Variants in CSF3R observed in about 807,000 individuals in gnomAD.
CSF3R encodes granulocyte colony-stimulating factor receptor.
Under a neutral mutation model 84.4 loss-of-function variants are expected in CSF3R, and 52 were observed. That is an observed-to-expected ratio of 0.62 (90% confidence interval 0.49 to 0.78). The LOEUF (loss-of-function observed/expected upper bound fraction) is 0.78. CSF3R is among the 30% of genes least tolerant of loss of function. The pLI is 0.00. For synonymous variants in CSF3R, 384 were observed against 429.1 expected, an observed-to-expected ratio of 0.89 and a Z score of 1.30; for missense variants, 890 against 1,055.7, an observed-to-expected ratio of 0.84 and a Z score of 2.17.
Position 36,473,449 on chromosome 1 carries a change from T to A in CSF3R, c.659A>T (p.Asp220Val), listed in dbSNP as rs957503717. The A allele has an allele frequency of 1.2e-6, 2 of 1,613,946 alleles. No individual in the cohort carries two copies. Among genetic ancestry groups the A allele is most frequent in the Non-Finnish European group, 1.7e-6 (2 of 1,179,998 alleles). ...GTSMSPQLCL[D>V]PMDVVKLEPP... ...GCATCACCCACCAACATCCATGGGA[T>A]CAAGACACAGTTGTGGGGACATGCT... is the stretch of plus-strand genomic sequence containing the variant. The change falls in exon 6 of 17, where the codon GAT (aspartate) becomes GTT (valine). Residue 220 changes from aspartate (D) to valine (V), a missense_variant. Physicochemically the swap from Asp to Val is radical, Grantham distance 152 (BLOSUM62 -3). Coordinates refer to ENST00000373106, the MANE Select transcript of CSF3R (RefSeq NM_000760.4).
In CSF3R at chr1:36,467,703, G is replaced by C; in HGVS notation, c.1865-52C>G. 1 of 1,611,254 alleles carries C rather than the reference G, an allele frequency of 6.2e-7. No homozygotes were observed. Among genetic ancestry groups the C allele is most frequent in the Non-Finnish European group, 8.5e-7 (1 of 1,177,428 alleles). ...GTTAGAATGCATGTTGGGAAGGCTG[G>C]GTCTCCTCCCTCCGACCAGGGGATT... is the stretch of plus-strand genomic sequence containing the variant. On this transcript the variant is annotated intron_variant, in intron 14 of 16. Transcript: ENST00000373106. The surrounding 1 kb of genome is among the most constrained non-coding windows in gnomAD (Gnocchi z 4.1).
At chr1:36,478,426 G>T (rs980523500) in intron 3 of CSF3R, among the ~76,000 whole-genome samples, 3 of 152,084 alleles carry the variant, frequency 2.0e-5, no homozygotes, top group Non-Finnish European at 2.9e-5. Flanking sequence ...CTATTCGGGA[G>T]GCTGAGGCAG....
rs746206965 is a variant in CSF3R, at chr1:36,467,672, GA to G, written c.1865-22del. On this transcript the variant is annotated intron_variant, in intron 14 of 16. Transcript: ENST00000373106. The surrounding 1 kb of genome is among the most constrained non-coding windows in gnomAD (Gnocchi z 4.1). ...CCCCTCTGCAGTGAGGGCAGGGCCG[GA>G]AGAAGTTAGAATGCATGTTGGGAAG... 17 of 1,613,648 alleles carry G rather than the reference GA, an allele frequency of 1.1e-5. No homozygotes were observed. The highest frequency in any genetic ancestry group is 1.4e-5 in the Non-Finnish European group (17 of 1,179,640).
chr1:36,471,901 C>G lies in CSF3R; in HGVS notation c.1071+165G>C. On this transcript the variant is annotated intron_variant, in intron 9 of 16. Transcript: ENST00000373106. ...CACTGTGACGTGCGTTACAGTCTGTCCAAAAGCTAACTCAGCTCCCTAGGC... is the reference window on the plus strand; with the variant it reads ...CACTGTGACGTGCGTTACAGTCTGTGCAAAAGCTAACTCAGCTCCCTAGGC... The G allele has an allele frequency of 7.9e-6, 6 of 759,534 alleles. No homozygotes were observed. The South Asian group carries it at 8.2e-5, about 10-fold the overall frequency. 47.0% of individuals were successfully genotyped at this position (759,534 alleles called of 1,614,324 possible). A position where few individuals can be genotyped will look rare whatever the true frequency, so the allele number is the denominator to read the frequency against.
chr1:36,469,315 A>T, intron 11 of CSF3R, 58 bp from the exon 12 acceptor site: 1 of 1,371,438 alleles, frequency 7.3e-7, no homozygotes, highest in Non-Finnish European at 1.0e-6. Flanking sequence ...GCTAATGATC[A>T]GGAGCTAGCC....
chr1:36,479,037 C>T (rs1278058165), intron 3 of CSF3R: 1 of 343,364 alleles, frequency 2.9e-6, no homozygotes, highest in African/African-American at 2.1e-5. Context: ...ACAGAGTTTC[C>T]ATGGTTGGAA....
Position 36,472,913 on chromosome 1 carries a change from C to T in CSF3R, c.674-227G>A, listed in dbSNP as rs1440502780. The T allele has an allele frequency of 1.8e-6, 1 of 559,856 alleles. No individual in the cohort carries two copies. Among genetic ancestry groups the T allele is most frequent in the African/African-American group, 1.9e-5 (1 of 52,810 alleles). 34.7% of individuals were successfully genotyped at this position (559,856 alleles called of 1,614,324 possible). A position where few individuals can be genotyped will look rare whatever the true frequency, so the allele number is the denominator to read the frequency against. ...ACTTCTGCTTGAAATGTTTTCCCTC[C>T]AGATATCCAGCGGCTTGCTCCCTCA... On this transcript the variant is annotated intron_variant, in intron 6 of 16. Transcript: ENST00000373106. The surrounding 1 kb of genome is among the most constrained non-coding windows in gnomAD (Gnocchi z 5.0).
At position 36,467,871 on chromosome 1, in the gene CSF3R, C is replaced by G. The variant is rs1278233668; in HGVS notation, c.1815G>C (p.Gln605His). The G allele has an allele frequency of 1.2e-6, 2 of 1,614,132 alleles. No individual in the cohort carries two copies. The highest frequency in any genetic ancestry group is 1.7e-6 in the Non-Finnish European group (2 of 1,180,052). Residue 605 changes from glutamine (Q) to histidine (H), a missense_variant, in exon 14 of 17, where the codon CAG becomes CAC. By Grantham distance (24) the Gln-to-His change is conservative (BLOSUM62 0). Transcript: ENST00000373106. This position sits in a 1 kb window ranked among gnomAD's most constrained non-coding sequence, Gnocchi z 4.1. ...GGACTGTACTGTTGGTGGCCCCAGC[C>G]TGGCTGGCAGCCATGAGGTGGATGT... ...LYHIHLMAAS[Q>H]AGATNSTVLT...
chr1:36,471,626 G>A lies in CSF3R; in HGVS notation c.1092C>T (p.Asp364=). 6.2e-7 allele frequency: 1 copy of A among 1,614,222 alleles called. No homozygotes were observed. Among genetic ancestry groups the A allele is most frequent in the South Asian group, 1.1e-5 (1 of 91,082 alleles). The part of the protein sequence containing the change: ...LFWKPVPLEE[D]SGRIQGYVVS... ...CCACATAACCTTGGATCCGTCCGCTGTCTTCCTCCAGGGGCACTGGCTGTG... is the reference window on the plus strand; with the variant it reads ...CCACATAACCTTGGATCCGTCCGCTATCTTCCTCCAGGGGCACTGGCTGTG... The change falls in exon 10 of 17, where the codon GAC becomes GAT. Residue 364 remains aspartate, a synonymous_variant. Coordinates refer to ENST00000373106, the MANE Select transcript of CSF3R (RefSeq NM_000760.4).
In CSF3R at chr1:36,472,203, T is replaced by C. The variant is rs202032360; in HGVS notation, c.997+35A>G. ...GGGGCCTGGGGCCTGGACTGGATAC[T>C]GTTGGCTGCTCCCAGCCTCTCATCA... On this transcript the variant is annotated intron_variant, in intron 8 of 16. Coordinates refer to ENST00000373106, the MANE Select transcript of CSF3R (RefSeq NM_000760.4). This position sits in a 1 kb window ranked among gnomAD's most constrained non-coding sequence, Gnocchi z 5.0. 17 of 1,614,126 alleles carry C rather than the reference T, an allele frequency of 1.1e-5. No homozygotes were observed. The highest frequency in any genetic ancestry group is 1.6e-4 in the Middle Eastern group (1 of 6,062).
chr1:36,476,489 T>G (rs1270872511), intron 3 of CSF3R, among the ~76,000 whole-genome samples: 2 of 152,234 alleles, frequency 1.3e-5, no homozygotes, highest in Non-Finnish European at 1.5e-5. Context: ...CAATAGCTCC[T>G]GTGGCCTGGC....
rs758923889 is a variant in CSF3R at position 36,466,456 on chromosome 1, G to A, written c.2412C>T (p.Ala804=). ...ASPLGTLVTP[A]PSQEDDCVFG... Reference sequence around the variant, plus strand: ...AGACACAGTCGTCCTCCTGGCTTGGGGCTGGGGTTACCAGGGTCCCCAAGG... The same window carrying A: ...AGACACAGTCGTCCTCCTGGCTTGGAGCTGGGGTTACCAGGGTCCCCAAGG... The change falls in exon 17 of 17, where the codon GCC becomes GCT. Residue 804 remains alanine, a synonymous_variant. Transcript: ENST00000373106. This position sits in a 1 kb window ranked among gnomAD's most constrained non-coding sequence, Gnocchi z 4.6. The A allele has an allele frequency of 1.9e-6, 3 of 1,612,750 alleles. No homozygotes were observed. In the East Asian group the frequency reaches 6.7e-5, roughly 36 times the overall value.
chr1:36,473,666 G>C, intron 5 of CSF3R, 44 bp from the exon 6 acceptor site: 2 of 1,613,850 alleles, frequency 1.2e-6, no homozygotes, highest in Non-Finnish European at 1.7e-6. Context: ...GGAAGAAAGC[G>C]AGGCTCCCTT....
intron 3 of CSF3R, chr1:36,478,986 C>T (rs1362334499): frequency 2.0e-5 from 6 of 295,208 alleles, no homozygotes; most frequent in African/African-American, 4.3e-5. Flanking sequence ...CTGGCTTTAG[C>T]TTGCATACCC....
chr1:36,469,560 C>T, intron 11 of CSF3R, 92 bp downstream of exon 11: 1 of 1,441,712 alleles, frequency 6.9e-7, no homozygotes, highest in Admixed American at 1.7e-5. Context: ...ATCCATGTCT[C>T]TTGGGCAGTT....
intron 11 of CSF3R, 97 bp downstream of exon 11, chr1:36,469,555 T>C (rs1011687434): frequency 1.4e-6 from 2 of 1,392,596 alleles, no homozygotes; most frequent in Non-Finnish European, 2.0e-6. Flanking sequence ...GGAGAATCCA[T>C]GTCTCTTGGG....
In CSF3R at chr1:36,471,657, C is replaced by A. The variant is rs752193342; in HGVS notation, c.1072-11G>T. ...CTCCAGGGGCACTGGCTGTGGGGCA[C>A]AGGAGGAAAAAGAGAAGGGGATGTG... On this transcript the variant is annotated splice_polypyrimidine_tract_variant and intron_variant, in intron 9 of 16. Transcript: ENST00000373106. 6.2e-7 allele frequency: 1 copy of A among 1,613,674 alleles called. No individual in the cohort carries two copies.
chr1:36,482,691 C>G (rs905297845), intron 1 of CSF3R, 120 bp downstream of exon 1: 1 of 152,176 alleles, frequency 6.6e-6, no homozygotes, highest in Non-Finnish European at 1.5e-5. Context: ...GGACGAATCC[C>G]GGGCCCCAGG....
At chr1:36,468,848 A>G (rs1338005368) in intron 12 of CSF3R, 1 of 379,316 alleles carries the variant, frequency 2.6e-6, no homozygotes, top group Admixed American at 3.7e-5. Flanking sequence ...GGTGTGAGCC[A>G]CTGCACCCGG....
Sources: gnomAD v4.1 joint callset for allele counts (sites outside exome capture counted in the v4.1 genomes callset) on GRCh38, gnomAD v4.1.1 for gene constraint, Gnocchi (gnomAD v3.1) non-coding constraint, MANE v1.5 for transcripts, NCBI Gene and HGNC (gene_info 2026-07-23, HGNC 2026-07-21) for gene names.